Variants in TEX14 observed in about 807,000 individuals in gnomAD.
The protein encoded by TEX14 is testis expressed 14, intercellular bridge forming factor, also known as inactive serine/threonine-protein kinase TEX14.
TEX14 carries 168 observed loss-of-function variants against 178.6 expected under a neutral mutation model. That is an observed-to-expected ratio of 0.94 (90% CI 0.83 to 1.07). The LOEUF is 1.07. Among genes scored for constraint, TEX14 ranks in the 50% least tolerant of loss-of-function variants. TEX14 has a pLI of 0.00. For synonymous variants in TEX14, 626 were observed against 634.1 expected (o/e 0.99, Z 0.19); for missense variants, 1,730 against 1,753.6 (o/e 0.99, Z 0.24).
Position 58,593,557 on chromosome 17 carries a change from A to G in TEX14, c.2574T>C (p.Ser858=). The change falls in exon 15 of 32, where the codon AGT becomes AGC. Residue 858 remains serine (S), a splice_region_variant and synonymous_variant. Coordinates refer to ENST00000349033, the MANE Select transcript of TEX14 (RefSeq NM_031272.5). ...AGAACAACAAAATGTTGACCCACCTACTGGTATTTTGGATCCTGCTTGTTT... is the reference window on the plus strand; with the variant it reads ...AGAACAACAAAATGTTGACCCACCTGCTGGTATTTTGGATCCTGCTTGTTT... ...SLETSRIQNT[S]SQGRPRESTA... 6.2e-7 allele frequency: 1 copy of G among 1,612,046 alleles called. No individual in the cohort carries two copies. Among genetic ancestry groups the G allele is most frequent in the Non-Finnish European group, 8.5e-7 (1 of 1,178,144 alleles).
chr17:58,588,525 T>C (rs557218609), intron 15 of TEX14, among the ~76,000 whole-genome samples: 1 of 152,220 alleles, frequency 6.6e-6, no homozygotes, highest in South Asian at 2.1e-4. Context: ...TCTCGAGTGA[T>C]CCACCCACCT....
At chr17:58,604,869 T>C in intron 11 of TEX14, 109 bp downstream of exon 11, 1 of 1,299,804 alleles carries the variant, frequency 7.7e-7, no homozygotes, top group Non-Finnish European at 1.1e-6. Context: ...CCAAGAAGTC[T>C]CTTTTTAATA....
At chr17:58,579,499 T>G (rs912732616) in intron 20 of TEX14, among the ~76,000 whole-genome samples, 166 bp downstream of exon 20, 1 of 152,204 alleles carries the variant, frequency 6.6e-6, no homozygotes, top group Non-Finnish European at 1.5e-5. Flanking sequence ...AGGAAGGGAT[T>G]TGTTCTATTG....
chr17:58,559,727 T>C (rs2044234867), intron 29 of TEX14, among the ~76,000 whole-genome samples, 165 bp from the exon 30 acceptor site: 1 of 152,228 alleles, frequency 6.6e-6, no homozygotes, highest in Non-Finnish European at 1.5e-5. Context: ...GTTTAAGTGC[T>C]ATAATTTAAC....
chr17:58,592,599 G>A (rs923062336), intron 15 of TEX14, among the ~76,000 whole-genome samples: 21 of 151,736 alleles, frequency 1.4e-4, no homozygotes, highest in African/African-American at 4.6e-4. Flanking sequence ...CTCCCAAAGC[G>A]CTGGGATTAC....
intron 2 of TEX14, among the ~76,000 whole-genome samples, chr17:58,645,640 G>A (rs1320381854): frequency 6.6e-6 from 1 of 152,206 alleles, no homozygotes; most frequent in East Asian, 1.9e-4. Context: ...TTACAGGCAT[G>A]AGCCACCTGC....
chr17:58,681,638 C>T (rs1324406863), intron 1 of TEX14, among the ~76,000 whole-genome samples: 1 of 151,722 alleles, frequency 6.6e-6, no homozygotes, highest in Admixed American at 6.6e-5. Flanking sequence ...TCATTTGAGG[C>T]CAGGAGTTCG....
intron 2 of TEX14, among the ~76,000 whole-genome samples, chr17:58,643,829 G>T (rs1481794545): frequency 8.3e-6 from 1 of 120,978 alleles, no homozygotes; most frequent in African/African-American, 3.2e-5. Context: ...CCGAGATTGC[G>T]CCACTTCACT....
chr17:58,653,695 C>T (rs1391044955), intron 1 of TEX14, among the ~76,000 whole-genome samples: 7 of 152,170 alleles, frequency 4.6e-5, no homozygotes, highest in African/African-American at 1.2e-4. Flanking sequence ...AACCCAGTGT[C>T]TCACTATACT....
intron 1 of TEX14, among the ~76,000 whole-genome samples, chr17:58,666,332 A>G (rs2047204628): frequency 6.6e-6 from 1 of 152,046 alleles, no homozygotes; most frequent in Non-Finnish European, 1.5e-5. Flanking sequence ...TGGAAAATAG[A>G]GCAAGACTGT....
intron 5 of TEX14, 39 bp from the exon 6 acceptor site, chr17:58,617,658 A>T: frequency 7.0e-7 from 1 of 1,428,784 alleles, no homozygotes; most frequent in South Asian, 1.2e-5. Flanking sequence ...CTCAGAATTA[A>T]CCACTCATAT....
chr17:58,592,072 AAAAG>A (rs2045157281), intron 15 of TEX14, among the ~76,000 whole-genome samples: 2 of 152,028 alleles, frequency 1.3e-5, no homozygotes, highest in East Asian at 3.9e-4. Flanking sequence ...TCAAAAAAAA[AAAAG>A]AAAGAAAAAA....
At chr17:58,661,567 C>A in intron 1 of TEX14, 1 of 738,808 alleles carries the variant, frequency 1.4e-6, no homozygotes, top group Non-Finnish European at 2.5e-6. Context: ...GGAGCCGCGG[C>A]GGCGGCAGGA....
chr17:58,636,773 C>T (rs2046441779), intron 2 of TEX14, among the ~76,000 whole-genome samples: 1 of 152,062 alleles, frequency 6.6e-6, no homozygotes, highest in African/African-American at 2.4e-5. Context: ...ATTAGCGGGG[C>T]ATGGTGGCAT....
intron 14 of TEX14, among the ~76,000 whole-genome samples, chr17:58,596,828 C>T (rs2045296592): frequency 6.6e-6 from 1 of 152,090 alleles, no homozygotes; most frequent in Admixed American, 6.6e-5. Context: ...TGTAGTCCCA[C>T]CTACTCAGGG....
intron 1 of TEX14, among the ~76,000 whole-genome samples, chr17:58,653,774 A>G (rs1438732230): frequency 6.6e-6 from 1 of 152,202 alleles, no homozygotes; most frequent in Non-Finnish European, 1.5e-5. Flanking sequence ...GCATTTAACC[A>G]TGGCTCAGTG....
At position 58,630,562 on chromosome 17, in the gene TEX14, G is replaced by C. The variant is rs922266736; in HGVS notation, c.137-8C>G. 1 of 1,597,024 alleles carries C rather than the reference G, an allele frequency of 6.3e-7. No homozygotes were observed. The highest frequency in any genetic ancestry group is 2.2e-5 in the East Asian group (1 of 44,786). ...CTGCATCAACATAAATTCCTGCAAAGGAAATATCAGAATCAATGCAAATAT... is the reference window on the plus strand; with the variant it reads ...CTGCATCAACATAAATTCCTGCAAACGAAATATCAGAATCAATGCAAATAT... On this transcript the variant is annotated splice_polypyrimidine_tract_variant and splice_region_variant and intron_variant, in intron 2 of 31. Coordinates refer to ENST00000349033, the MANE Select transcript of TEX14 (RefSeq NM_031272.5).
chr17:58,644,485 A>G (rs982911925), intron 2 of TEX14, among the ~76,000 whole-genome samples: 3 of 151,764 alleles, frequency 2.0e-5, no homozygotes, highest in African/African-American at 7.3e-5. Context: ...GGTGCATGCC[A>G]CCACGCCTAG....
At chr17:58,656,680 G>C (rs1172704916) in intron 1 of TEX14, among the ~76,000 whole-genome samples, 1 of 151,614 alleles carries the variant, frequency 6.6e-6, no homozygotes, top group Non-Finnish European at 1.5e-5. Context: ...CTTGAACCTG[G>C]GAGGCAGAGG....
Sources: allele counts gnomAD v4.1 joint callset (sites outside exome capture counted in the v4.1 genomes callset), GRCh38; gene constraint gnomAD v4.1.1; transcripts MANE v1.5; gene names NCBI Gene and HGNC (gene_info 2026-07-23, HGNC 2026-07-21).